Variants in CELA2A observed in about 807,000 individuals in gnomAD.
The protein encoded by CELA2A is chymotrypsin-like elastase family member 2A.
In CELA2A, 31 loss-of-function variants were observed where a neutral mutation model predicts 35.3. The ratio of observed to expected loss-of-function variants is 0.88; its 90% CI spans 0.66 to 1.19. CELA2A has a LOEUF of 1.19. CELA2A is among the 50% of genes most tolerant of loss of function. CELA2A has a pLI of 0.00. For synonymous variants in CELA2A, 150 were observed against 149.8 expected (o/e 1.00, Z -0.01); for missense variants, 330 against 352.9 (o/e 0.94, Z 0.52).
intron 7 of CELA2A, among the ~76,000 whole-genome samples, chr1:15,470,781 A>C (rs1179466108): frequency 6.6e-6 from 1 of 152,094 alleles, no homozygotes; most frequent in Non-Finnish European, 1.5e-5. Flanking sequence ...GGGTTTCACC[A>C]TGTTGGCCAG....
intron 3 of CELA2A, 120 bp from the exon 4 acceptor site, chr1:15,462,613 A>T: frequency 8.0e-7 from 1 of 1,249,064 alleles, no homozygotes; most frequent in Non-Finnish European, 1.1e-6. Flanking sequence ...CCAGGGGAGG[A>T]AAGATCCCCA....
At chr1:15,457,372 G>A in intron 2 of CELA2A, 198 bp downstream of exon 2, 4 of 575,712 alleles carry the variant, frequency 6.9e-6, no homozygotes, top group Non-Finnish European at 1.2e-5. Flanking sequence ...AGCACTGTGG[G>A]AGGCTGTGGT....
chr1:15,463,293 A>G, intron 4 of CELA2A, 93 bp from the exon 5 acceptor site: 1 of 1,581,650 alleles, frequency 6.3e-7, no homozygotes, highest in Non-Finnish European at 8.6e-7. Flanking sequence ...GTAACAGGGT[A>G]CAGGGAAGAT....
intron 7 of CELA2A, among the ~76,000 whole-genome samples, chr1:15,469,569 G>C (rs963160647): frequency 1.3e-5 from 2 of 152,202 alleles, no homozygotes; most frequent in African/African-American, 4.8e-5. Context: ...GCTTCCAAGT[G>C]TTCCCACTGA....
At chr1:15,465,275 C>T (rs1362990413) in intron 5 of CELA2A, among the ~76,000 whole-genome samples, 1 of 151,918 alleles carries the variant, frequency 6.6e-6, no homozygotes. Context: ...CCTCCCTAAG[C>T]GCTGGGATTA....
chr1:15,457,048 C>T (rs751138822), intron 1 of CELA2A, 38 bp from the exon 2 acceptor site: 16 of 1,576,206 alleles, frequency 1.0e-5, no homozygotes, highest in Admixed American at 5.0e-5. Flanking sequence ...TTGTGTGGGT[C>T]GCTGCTTCCT....
chr1:15,464,829 G>A (rs541532051), intron 5 of CELA2A, among the ~76,000 whole-genome samples: 1 of 152,114 alleles, frequency 6.6e-6, no homozygotes, highest in East Asian at 1.9e-4. Flanking sequence ...TGTCAGTCAC[G>A]GTGAAACCTT....
At chr1:15,467,270 T>G (rs760325793) in intron 6 of CELA2A, 116 bp from the exon 7 acceptor site, 1 of 1,081,606 alleles carries the variant, frequency 9.2e-7, no homozygotes, top group Non-Finnish European at 1.4e-6. Context: ...ACCACAAGGG[T>G]CAGCTTCCGA....
rs1374150716 is a variant in CELA2A, at chr1:15,457,166, C to G, written c.121C>G (p.Pro41Ala). 3.7e-6 allele frequency: 6 copies of G among 1,614,138 alleles called. No homozygotes were observed. Among genetic ancestry groups the G allele is most frequent in the Middle Eastern group, 1.7e-4 (1 of 6,058 alleles). Residue 41 changes from proline (P) to alanine (A), a missense_variant, in exon 2 of 8, where the codon CCC becomes GCC. Transcript: ENST00000359621. Reference protein sequence around the residue: ...GGEEARPNSWPWQVSLQYSSN... With the variant: ...GGEEARPNSWAWQVSLQYSSN... Reference sequence around the variant, plus strand: ...TGAAGAAGCGAGGCCCAACAGCTGGCCCTGGCAGGTGAGTTGACCACACTG... The same window carrying G: ...TGAAGAAGCGAGGCCCAACAGCTGGGCCTGGCAGGTGAGTTGACCACACTG...
In CELA2A at chr1:15,463,420, G is replaced by A. The variant is rs61736280; in HGVS notation, c.391G>A (p.Val131Ile). Residue 131 changes from valine (V) to isoleucine (I), a missense_variant, in exon 5 of 8, where the codon GTC (valine) becomes ATC (isoleucine). Physicochemically the swap from Val to Ile is conservative, Grantham distance 29. Transcript: ENST00000359621. The part of the protein sequence containing the change: ...DIALLKLANP[V>I]SLTDKIQLAC... ...TGCCCTGCTCAAACTGGCTAACCCC[G>A]TCTCCCTCACCGACAAGATCCAGCT... is the stretch of plus-strand genomic sequence containing the variant. The A allele has an allele frequency of 1.2e-4, 190 of 1,613,800 alleles. 1 individual carries two copies. In the African/African-American group the frequency reaches 1.9e-3, roughly 16 times the overall value.
In CELA2A at chr1:15,467,543, G is replaced by C; in HGVS notation, c.792+5G>C. ...TACATCGACTGGATCAATTCGGTAAGAACCGGACCAGCCCTGAGCCCCAAG... is the reference window on the plus strand; with the variant it reads ...TACATCGACTGGATCAATTCGGTAACAACCGGACCAGCCCTGAGCCCCAAG... On this transcript the variant is annotated splice_donor_5th_base_variant and intron_variant, in intron 7 of 7. Transcript: ENST00000359621. The C allele has an allele frequency of 6.8e-6, 11 of 1,613,994 alleles. No individual in the cohort carries two copies. The highest frequency in any genetic ancestry group is 9.3e-6 in the Non-Finnish European group (11 of 1,179,966).
chr1:15,462,969 AG>A, intron 4 of CELA2A, 108 bp downstream of exon 4: 1 of 1,478,052 alleles, frequency 6.8e-7, no homozygotes, highest in Admixed American at 1.7e-5. Flanking sequence ...CTTCTTCTAC[AG>A]GGAGGGGGAA....
intron 5 of CELA2A, 147 bp from the exon 6 acceptor site, chr1:15,465,852 C>T (rs995877026): frequency 7.6e-6 from 7 of 919,844 alleles, no homozygotes; most frequent in African/African-American, 3.3e-5. Context: ...AACCAATCAA[C>T]CGTGAGGACA....
chr1:15,465,761 A>T, intron 5 of CELA2A: 4 of 475,900 alleles, frequency 8.4e-6, no homozygotes, highest in Non-Finnish European at 1.5e-5. Context: ...TGTCCTCTGA[A>T]ACCGGAATCT....
intron 5 of CELA2A, 32 bp downstream of exon 5, chr1:15,463,554 G>C: frequency 6.2e-7 from 1 of 1,612,650 alleles, no homozygotes; most frequent in Non-Finnish European, 8.5e-7. Context: ...CCAGGCCTGG[G>C]AGGGAAGGGA....
chr1:15,468,414 A>T (rs1708550458), intron 7 of CELA2A, among the ~76,000 whole-genome samples: 1 of 152,204 alleles, frequency 6.6e-6, no homozygotes, highest in Non-Finnish European at 1.5e-5. Flanking sequence ...GTAAAAGTAA[A>T]CAACTCAGAG....
chr1:15,460,805 G>C lies in CELA2A; in HGVS notation c.130-756G>C, dbSNP rs1277223537. On this transcript the variant is annotated intron_variant, in intron 2 of 7. Transcript: ENST00000359621. ...TCCCACCTCAGCCTTCTGAGTAACCGGGACTATAGGCATGCACCGCCGCAC... is the reference window on the plus strand; with the variant it reads ...TCCCACCTCAGCCTTCTGAGTAACCCGGACTATAGGCATGCACCGCCGCAC... 2.6e-5 allele frequency among the ~76,000 whole-genome samples: 4 copies of C among 152,142 alleles called. No individual in the cohort carries two copies. In the East Asian group the frequency reaches 7.7e-4, roughly 29 times the overall value.
At chr1:15,467,669 G>A (rs1292371656) in intron 7 of CELA2A, 131 bp downstream of exon 7, 2 of 1,160,184 alleles carry the variant, frequency 1.7e-6, no homozygotes, top group East Asian at 4.9e-5. Flanking sequence ...CTTGGAGGAG[G>A]CTGCAGACCT....
chr1:15,460,995 T>A lies in CELA2A; in HGVS notation c.130-566T>A, dbSNP rs546885009. 4.6e-5 allele frequency among the ~76,000 whole-genome samples: 7 copies of A among 152,238 alleles called. No homozygotes were observed. The South Asian group carries it at 1.5e-3, about 32-fold the overall frequency. ...GGAGGCCTCAGGAAACTTATAATCA[T>A]GGCAGAAGGGAAAGGAAACACATCC... On this transcript the variant is annotated intron_variant, in intron 2 of 7. Transcript: ENST00000359621.
Sources: gnomAD v4.1 joint callset for allele counts (sites outside exome capture counted in the v4.1 genomes callset) on GRCh38, gnomAD v4.1.1 for gene constraint, MANE v1.5 for transcripts, NCBI Gene and HGNC (gene_info 2026-07-23, HGNC 2026-07-21) for gene names.